Variants in HECTD2 observed in about 807,000 individuals in gnomAD.
HECTD2 encodes probable E3 ubiquitin-protein ligase HECTD2.
Under a neutral mutation model 103.2 loss-of-function variants are expected in HECTD2, and 35 were observed. The ratio of observed to expected loss-of-function variants is 0.34; its 90% confidence interval spans 0.26 to 0.45. The LOEUF is 0.45. Ranked by LOEUF, HECTD2 falls within the 20% of genes least tolerant of loss-of-function variation. HECTD2 has a pLI of 1.00. For missense variants in HECTD2, 596 were observed against 937.4 expected (o/e 0.64, Z 4.76); for synonymous variants, 281 against 329.9 (o/e 0.85, Z 1.61).
chr10:91,421,511 A>G (rs1341337354), intron 1 of HECTD2, among the ~76,000 whole-genome samples: 1 of 152,172 alleles, frequency 6.6e-6, no homozygotes, highest in East Asian at 1.9e-4. Flanking sequence ...AGAAAAAATC[A>G]CAAAAAAAAT....
At chr10:91,470,300 G>T (rs896915824) in intron 5 of HECTD2, among the ~76,000 whole-genome samples, 1 of 152,024 alleles carries the variant, frequency 6.6e-6, no homozygotes, top group Non-Finnish European at 1.5e-5. Flanking sequence ...CTTTAAGATC[G>T]ACCACATAAT....
At chr10:91,496,576 TAGAG>T (rs1273540563) in intron 15 of HECTD2, among the ~76,000 whole-genome samples, 24 of 152,304 alleles carry the variant, frequency 1.6e-4, no homozygotes, top group African/African-American at 4.3e-4. Flanking sequence ...TTTTACAAGA[TAGAG>T]AGGCAGTAAT....
chr10:91,492,977 A>C (rs1380144487), intron 13 of HECTD2, among the ~76,000 whole-genome samples: 1 of 151,900 alleles, frequency 6.6e-6, no homozygotes, highest in Non-Finnish European at 1.5e-5. Flanking sequence ...AACTTTTCAA[A>C]GGAGAATTTT....
intron 5 of HECTD2, among the ~76,000 whole-genome samples, chr10:91,469,656 A>G (rs940663092): frequency 1.3e-5 from 2 of 152,226 alleles, no homozygotes; most frequent in Admixed American, 1.3e-4. Context: ...AAACACACTT[A>G]AGCACATAAA....
chr10:91,423,752 TATTA>T (rs1331763255), intron 1 of HECTD2, among the ~76,000 whole-genome samples: 5 of 152,280 alleles, frequency 3.3e-5, no homozygotes, highest in African/African-American at 7.2e-5. Flanking sequence ...GGCTCTTTTA[TATTA>T]ATTTCTTTAA....
At chr10:91,431,953 T>A (rs1018967364) in intron 2 of HECTD2, among the ~76,000 whole-genome samples, 2 of 151,934 alleles carry the variant, frequency 1.3e-5, no homozygotes, top group Non-Finnish European at 2.9e-5. Context: ...TTTGCATAAA[T>A]GACTCTGACT....
At chr10:91,493,701 GTTTGA>G (rs1846560378) in intron 14 of HECTD2, among the ~76,000 whole-genome samples, 193 bp downstream of exon 14, 1 of 151,796 alleles carries the variant, frequency 6.6e-6, no homozygotes, top group African/African-American at 2.4e-5. Flanking sequence ...AGAAATGAGA[GTTTGA>G]TTTTTTTCTG....
At chr10:91,425,976 G>A (rs562086258) in intron 2 of HECTD2, among the ~76,000 whole-genome samples, 1 of 152,064 alleles carries the variant, frequency 6.6e-6, no homozygotes, top group South Asian at 2.1e-4. Context: ...ACTAAATTAT[G>A]TTAATCTATA....
At chr10:91,468,024 A>G (rs1416951993) in intron 5 of HECTD2, among the ~76,000 whole-genome samples, 7 of 152,018 alleles carry the variant, frequency 4.6e-5, no homozygotes, top group Non-Finnish European at 8.8e-5. Flanking sequence ...GCCCACTCCT[A>G]CTAGTACCTT....
At chr10:91,500,061 G>A (rs956749684) in intron 18 of HECTD2, among the ~76,000 whole-genome samples, 18 of 151,922 alleles carry the variant, frequency 1.2e-4, no homozygotes, top group Non-Finnish European at 1.9e-4. Flanking sequence ...CTCTGTAGGC[G>A]GTAGACTAAC....
At chr10:91,452,039 G>A (rs780880526) in intron 2 of HECTD2, among the ~76,000 whole-genome samples, 1 of 152,040 alleles carries the variant, frequency 6.6e-6, no homozygotes, top group Non-Finnish European at 1.5e-5. Context: ...CAACAGAATG[G>A]AGGGGATAGG....
At chr10:91,430,550 A>T (rs1410394451) in intron 2 of HECTD2, among the ~76,000 whole-genome samples, 1 of 152,074 alleles carries the variant, frequency 6.6e-6, no homozygotes, top group Non-Finnish European at 1.5e-5. Flanking sequence ...TTGTTTTATG[A>T]ATCTGGGTGC....
In HECTD2 at chr10:91,513,512, T is replaced by C. The variant is rs1463048612; in HGVS notation, c.*1128T>C. The C allele has an allele frequency of 6.6e-6, 1 of 152,602 alleles. No individual in the cohort carries two copies. Among genetic ancestry groups the C allele is most frequent in the African/African-American group, 2.4e-5 (1 of 41,440 alleles). 9.5% of individuals were successfully genotyped at this position (152,602 alleles called of 1,614,324 possible). A position where few individuals can be genotyped will look rare whatever the true frequency, so the allele number is the denominator to read the frequency against. On this transcript the variant is annotated 3_prime_UTR_variant, in exon 21 of 21. Transcript: ENST00000298068. ...TATAATAAATTCAAAGTACCCTTTT[T>C]TTAGAGTTTCTAATAAAGTAGTATG... is the stretch of plus-strand genomic sequence containing the variant.
intron 2 of HECTD2, among the ~76,000 whole-genome samples, chr10:91,450,990 A>C (rs187882269): frequency 1.3e-5 from 2 of 151,250 alleles, no homozygotes; most frequent in Non-Finnish European, 2.9e-5. Context: ...ATACCATTTA[A>C]CCTAGCAATC....
chr10:91,466,809 T>C (rs573222479), intron 5 of HECTD2, among the ~76,000 whole-genome samples: 1 of 152,162 alleles, frequency 6.6e-6, no homozygotes, highest in African/African-American at 2.4e-5. Flanking sequence ...TGGAAATTAT[T>C]CAGTGATAAG....
At chr10:91,420,430 A>C (rs983027744) in intron 1 of HECTD2, among the ~76,000 whole-genome samples, 9 of 97,718 alleles carry the variant, frequency 9.2e-5, no homozygotes, top group Admixed American at 6.0e-4. Context: ...CTAAGAATAC[A>C]AAAAAAAAAA....
chr10:91,514,650 A>G lies in HECTD2; in HGVS notation c.*2266A>G, dbSNP rs959480835. 22 of 152,480 alleles carry G rather than the reference A, an allele frequency of 1.4e-4. No individual in the cohort carries two copies. Among genetic ancestry groups the G allele is most frequent in the Admixed American group, 9.8e-4 (15 of 15,252 alleles). 9.4% of individuals were successfully genotyped at this position (152,480 alleles called of 1,614,324 possible). ...TTTTAAAATCTTTGCTTAGTCAGTC[A>G]TATTTTTGTCTGTATGATTAGAAGT... On this transcript the variant is annotated 3_prime_UTR_variant, in exon 21 of 21. Transcript: ENST00000298068.
intron 5 of HECTD2, among the ~76,000 whole-genome samples, chr10:91,465,909 T>G (rs912575998): frequency 6.6e-6 from 1 of 152,190 alleles, no homozygotes; most frequent in Non-Finnish European, 1.5e-5. Context: ...TCTTGTAATA[T>G]CTTTCTCTTT....
At chr10:91,479,509 A>G (rs568930095) in intron 6 of HECTD2, among the ~76,000 whole-genome samples, 1 of 152,278 alleles carries the variant, frequency 6.6e-6, no homozygotes, top group Admixed American at 6.5e-5. Context: ...TTACTCTAGT[A>G]ATCTGTTTGC....
Sources: allele counts gnomAD v4.1 joint callset (sites outside exome capture counted in the v4.1 genomes callset), GRCh38; gene constraint gnomAD v4.1.1; transcripts MANE v1.5; gene names NCBI Gene and HGNC (gene_info 2026-07-23, HGNC 2026-07-21).